The following CAST variants were observed in gnomAD, a reference collection of about 807,000 sequenced individuals.
CAST encodes MIR583 host.
A neutral mutation model predicts 119.6 loss-of-function variants in CAST; 76 were observed. That is an observed-to-expected ratio of 0.64 (90% CI 0.53 to 0.77). CAST has a LOEUF of 0.77. Ranked by LOEUF, CAST falls within the 30% of genes least tolerant of loss-of-function variation. CAST has a pLI of 0.00. For synonymous variants in CAST, 319 were observed against 331.6 expected (o/e 0.96, Z 0.41); for missense variants, 953 against 946.5 (o/e 1.01, Z -0.09).
chr5:96,154,456 T>A, the CAST span, among the ~76,000 whole-genome samples: 1 of 152,226 alleles, frequency 6.6e-6, no homozygotes, highest in Non-Finnish European at 1.5e-5. Context: ...ATGTTCTATA[T>A]GTAGTTTTCC....
chr5:96,605,331 G>A (rs1284911587), intron 1 of CAST, among the ~76,000 whole-genome samples: 1 of 152,122 alleles, frequency 6.6e-6, no homozygotes, highest in Non-Finnish European at 1.5e-5. Context: ...ACTGATCTAG[G>A]CAGATGTCAA....
chr5:96,400,689 T>C, the CAST span, among the ~76,000 whole-genome samples: 1 of 152,220 alleles, frequency 6.6e-6, no homozygotes, highest in Non-Finnish European at 1.5e-5. Context: ...TTTTTCTTTA[T>C]CTATCAAAAG....
At chr5:96,067,046 T>C in the CAST span, among the ~76,000 whole-genome samples, 1 of 152,260 alleles carries the variant, frequency 6.6e-6, no homozygotes, top group East Asian at 1.9e-4. Flanking sequence ...TCATTTTCTA[T>C]CTACTTTAGG....
the CAST span, among the ~76,000 whole-genome samples, chr5:96,500,162 C>T: frequency 0.011 from 1,685 of 152,156 alleles, 19 homozygotes; most frequent in South Asian, 0.017. Context: ...ATGATGAAAA[C>T]GTTTTGCAAT....
At chr5:96,061,742 C>T in the CAST span, among the ~76,000 whole-genome samples, 2 of 151,734 alleles carry the variant, frequency 1.3e-5, no homozygotes, top group Non-Finnish European at 2.9e-5. Flanking sequence ...AATGGTTTGT[C>T]AGGGACATAG....
chr5:95,972,022 C>T, the CAST span, among the ~76,000 whole-genome samples: 1 of 149,746 alleles, frequency 6.7e-6, no homozygotes, highest in African/African-American at 2.5e-5. Context: ...TGGAGTGGCT[C>T]AGTCATAGCT....
chr5:96,726,116 G>A (rs1245546773), intron 4 of CAST, among the ~76,000 whole-genome samples: 2 of 152,126 alleles, frequency 1.3e-5, no homozygotes, highest in African/African-American at 2.4e-5. Flanking sequence ...AAAAAGGAAA[G>A]AAACAGCAGG....
chr5:95,972,445 A>G, the CAST span, among the ~76,000 whole-genome samples: 1 of 151,770 alleles, frequency 6.6e-6, no homozygotes, highest in Non-Finnish European at 1.5e-5. Context: ...GTAGTATCTC[A>G]TTGTGGTTTT....
the CAST span, among the ~76,000 whole-genome samples, chr5:96,030,256 C>T: frequency 6.6e-6 from 1 of 152,056 alleles, no homozygotes; most frequent in Non-Finnish European, 1.5e-5. Context: ...ATTTTTGTTG[C>T]TATGAAGTTT....
chr5:96,078,274 TA>T, the CAST span, among the ~76,000 whole-genome samples: 1 of 152,174 alleles, frequency 6.6e-6, no homozygotes, highest in South Asian at 2.1e-4. Context: ...CACAAACATT[TA>T]GTTCTTAACA....
At chr5:96,341,635 C>T in the CAST span, among the ~76,000 whole-genome samples, 1 of 151,950 alleles carries the variant, frequency 6.6e-6, no homozygotes, top group Non-Finnish European at 1.5e-5. Flanking sequence ...CTTAAATAAA[C>T]TTTCTTTAGA....
the CAST span, among the ~76,000 whole-genome samples, chr5:96,064,565 G>A: frequency 3.3e-5 from 5 of 152,046 alleles, no homozygotes; most frequent in African/African-American, 7.2e-5. Context: ...ATTACAGAAT[G>A]TGCCTAAACC....
chr5:96,379,346 A>G, the CAST span, among the ~76,000 whole-genome samples: 5 of 152,198 alleles, frequency 3.3e-5, no homozygotes, highest in Non-Finnish European at 7.3e-5. Flanking sequence ...TTCTTGTTTT[A>G]TAAATGAGAA....
At chr5:96,495,504 G>A in the CAST span, among the ~76,000 whole-genome samples, 5 of 152,156 alleles carry the variant, frequency 3.3e-5, no homozygotes, top group Admixed American at 6.5e-5. Context: ...ACTTATGAGT[G>A]AAAACATGCG....
At chr5:96,420,486 C>T in the CAST span, among the ~76,000 whole-genome samples, 13 of 152,090 alleles carry the variant, frequency 8.5e-5, no homozygotes, top group Admixed American at 2.0e-4. Flanking sequence ...GGGATATTTG[C>T]GGTTAACCCC....
the CAST span, among the ~76,000 whole-genome samples, chr5:96,021,453 C>T: frequency 2.0e-5 from 3 of 148,614 alleles, no homozygotes; most frequent in Non-Finnish European, 4.5e-5. Context: ...TCAGCATTTT[C>T]TTTTTTTTTT....
At chr5:96,709,531 G>T (rs1755683748) in intron 3 of CAST, among the ~76,000 whole-genome samples, 1 of 151,998 alleles carries the variant, frequency 6.6e-6, no homozygotes, top group Non-Finnish European at 1.5e-5. Flanking sequence ...GAACAAAATG[G>T]AGTTCTTTTA....
the CAST span, among the ~76,000 whole-genome samples, chr5:95,994,780 T>G: frequency 1.2e-4 from 18 of 152,128 alleles, no homozygotes; most frequent in African/African-American, 4.1e-4. Context: ...TCCAGATTCC[T>G]GGCAGATGAT....
intron 1 of CAST, among the ~76,000 whole-genome samples, chr5:96,590,567 G>A (rs1448309184): frequency 6.6e-6 from 1 of 152,174 alleles, no homozygotes; most frequent in Non-Finnish European, 1.5e-5. Flanking sequence ...GCCACTACAT[G>A]GAAAAGATAG....
Sources: allele counts gnomAD v4.1 joint callset (sites outside exome capture counted in the v4.1 genomes callset), GRCh38; gene constraint gnomAD v4.1.1; transcripts MANE v1.5; gene names NCBI Gene and HGNC (gene_info 2026-07-23, HGNC 2026-07-21).